Variants in MCM9 observed in about 807,000 individuals in gnomAD.
MCM9 encodes minichromosome maintenance 9 homologous recombination repair factor.
Under a neutral mutation model 72.8 loss-of-function variants are expected in MCM9, and 55 were observed. That is an observed-to-expected ratio of 0.76 (90% CI 0.61 to 0.95). The LOEUF (loss-of-function observed/expected upper bound fraction) is 0.95, where lower values mean the gene tolerates loss of function less well. Among genes scored for constraint, MCM9 ranks in the 40% least tolerant of loss-of-function variants. The pLI is 0.00. For synonymous variants in MCM9, 480 were observed against 503.4 expected (o/e 0.95, Z 0.62); for missense variants, 1,279 against 1,377.0 (o/e 0.93, Z 1.13).
At chr6:118,832,994 GA>G (rs1272443919) in intron 9 of MCM9, among the ~76,000 whole-genome samples, 1 of 152,202 alleles carries the variant, frequency 6.6e-6, no homozygotes, top group Non-Finnish European at 1.5e-5. Flanking sequence ...AGTAAAGATA[GA>G]AGAACATAAA....
Position 118,825,878 on chromosome 6 carries a change from C to T in MCM9, c.1961+269G>A, listed in dbSNP as rs926646597. Among the ~76,000 whole-genome samples, 8 of 152,208 alleles carry T rather than the reference C, an allele frequency of 5.3e-5. No homozygotes were observed. In the East Asian group the frequency reaches 7.7e-4, roughly 15 times the overall value. ...TGGAGCAAAGACAAGCTATCCCCAC[C>T]GAGCCTGCCTGAATGTCTGATACCC... On this transcript the variant is annotated intron_variant, in intron 13 of 13. Transcript: ENST00000619706.
rs772558186 is a variant in MCM9 at position 118,853,446 on chromosome 6, A to AT, written c.1325+2924dup. Among the ~76,000 whole-genome samples the AT allele has an allele frequency of 5.0e-3, 742 of 147,170 alleles. 2 individuals are homozygous for AT. Among genetic ancestry groups the AT allele is most frequent in the East Asian group, 0.017 (84 of 5,078 alleles). ...GATTTCTACAAAAAAGCTTGTTGGG[A>AT]TTTTTTTTTTTGTTAATTTCAATAG... On this transcript the variant is annotated intron_variant, in intron 9 of 13. Coordinates refer to ENST00000619706, the MANE Select transcript of MCM9 (RefSeq NM_017696.3).
intron 9 of MCM9, among the ~76,000 whole-genome samples, chr6:118,833,224 T>C (rs1157925799): frequency 6.6e-6 from 1 of 152,106 alleles, no homozygotes; most frequent in Non-Finnish European, 1.5e-5. Flanking sequence ...TGCAGGCACG[T>C]GGTGAGCACA....
At chr6:118,867,667 T>C (rs555501684) in intron 8 of MCM9, among the ~76,000 whole-genome samples, 11 of 152,264 alleles carry the variant, frequency 7.2e-5, no homozygotes, top group Non-Finnish European at 1.6e-4. Flanking sequence ...CAAAAGAGTA[T>C]ACCATGTAGA....
At position 118,913,354 on chromosome 6, in the gene MCM9, A is replaced by G; in HGVS notation, c.971T>C (p.Val324Ala). ...AATCCCACCAGCCAGCACCATGGCC[A>G]CAGCAAGCTTTACTAGATACATTCC... Reference protein sequence around the residue: ...VFGMYLVKLAVAMVLAGGIQR... With the variant: ...VFGMYLVKLAAAMVLAGGIQR... Residue 324 changes from valine to alanine, a missense_variant, in exon 7 of 14, where the codon GTG (valine) becomes GCG (alanine). Physicochemically the swap from Val to Ala is moderately conservative, Grantham distance 64. Coordinates refer to ENST00000619706, the MANE Select transcript of MCM9 (RefSeq NM_017696.3). 6.2e-7 allele frequency: 1 copy of G among 1,614,182 alleles called. No individual in the cohort carries two copies. The highest frequency in any genetic ancestry group is 8.5e-7 in the Non-Finnish European group (1 of 1,180,022).
chr6:118,871,938 C>T (rs144871378), intron 8 of MCM9, among the ~76,000 whole-genome samples: 2,120 of 152,206 alleles, frequency 0.014, 40 homozygotes, highest in African/African-American at 0.049. Context: ...CAAAAGACCA[C>T]ATTCTGGACT....
At chr6:118,881,803 C>A (rs986907536) in intron 8 of MCM9, among the ~76,000 whole-genome samples, 1 of 152,170 alleles carries the variant, frequency 6.6e-6, no homozygotes, top group African/African-American at 2.4e-5. Flanking sequence ...AACATTTATT[C>A]ATTGAAATCT....
intron 9 of MCM9, among the ~76,000 whole-genome samples, chr6:118,834,897 C>T (rs1004674208): frequency 1.3e-5 from 2 of 152,124 alleles, no homozygotes; most frequent in African/African-American, 4.8e-5. Flanking sequence ...GTTGCCATTG[C>T]TTTTGGTGTT....
intron 9 of MCM9, among the ~76,000 whole-genome samples, chr6:118,832,270 C>T (rs983892651): frequency 9.2e-5 from 14 of 152,068 alleles, no homozygotes; most frequent in Non-Finnish European, 2.1e-4. Context: ...TGCTATGTTG[C>T]CCAGGCTGGT....
At chr6:118,836,406 T>G (rs557920207) in intron 9 of MCM9, among the ~76,000 whole-genome samples, 1 of 152,242 alleles carries the variant, frequency 6.6e-6, no homozygotes, top group Non-Finnish European at 1.5e-5. Context: ...TTTGTAATAG[T>G]TTCAGAAGGA....
At chr6:118,899,832 G>A (rs1374698502) in intron 8 of MCM9, among the ~76,000 whole-genome samples, 1 of 152,226 alleles carries the variant, frequency 6.6e-6, no homozygotes, top group Non-Finnish European at 1.5e-5. Context: ...GAGTGCTTGT[G>A]TAACAGTGTG....
chr6:118,833,566 C>T (rs754798539), intron 9 of MCM9, among the ~76,000 whole-genome samples: 2 of 152,048 alleles, frequency 1.3e-5, no homozygotes, highest in African/African-American at 4.8e-5. Context: ...AAGGAAAACG[C>T]GGTCTATACA....
Position 118,924,121 on chromosome 6 carries a change from G to A in MCM9, c.311C>T (p.Pro104Leu). The change falls in exon 4 of 14, where the codon CCT becomes CTT. Residue 104 changes from proline to leucine, a missense_variant. By Grantham distance (98) the Pro-to-Leu change is moderately conservative (BLOSUM62 -3). Transcript: ENST00000619706. ...QNLHARISGL[P>L]VCPELVREHI... Reference sequence around the variant, plus strand: ...TTCCCTCACCAGCTCAGGACAGACAGGCAAACCTGATGGAGAAAACAAAAA... The same window carrying A: ...TTCCCTCACCAGCTCAGGACAGACAAGCAAACCTGATGGAGAAAACAAAAA... 1 of 1,610,212 alleles carries A rather than the reference G, an allele frequency of 6.2e-7. No individual in the cohort carries two copies. Among genetic ancestry groups the A allele is most frequent in the Non-Finnish European group, 8.5e-7 (1 of 1,177,220 alleles).
chr6:118,880,570 C>T (rs1364295434), intron 8 of MCM9, among the ~76,000 whole-genome samples: 3 of 152,158 alleles, frequency 2.0e-5, no homozygotes, highest in African/African-American at 7.2e-5. Flanking sequence ...TTTCTTCCCA[C>T]TTTTGTTAAT....
rs1174482921 is a variant in MCM9 at position 118,917,675 on chromosome 6, T to C, written c.790A>G (p.Lys264Glu). 6.2e-7 allele frequency: 1 copy of C among 1,614,162 alleles called. No individual in the cohort carries two copies. The highest frequency in any genetic ancestry group is 1.3e-5 in the African/African-American group (1 of 75,058). The change falls in exon 6 of 14, where the codon AAA (lysine) becomes GAA (glutamate). Residue 264 changes from lysine (K) to glutamate (E), a missense_variant. Physicochemically the swap from Lys to Glu is moderately conservative, Grantham distance 56. Coordinates refer to ENST00000619706, the MANE Select transcript of MCM9 (RefSeq NM_017696.3). ...TTATTTACTTGGATGTAATTTGCTT[T>C]CAGGACTATCTCCACTTCACAGCGC... ...DVRCEVEIVL[K>E]ANYIQVNNEQ...
Position 118,931,428 on chromosome 6 carries a change from C to T in MCM9, c.296G>A (p.Arg99Lys), listed in dbSNP as rs372076068. ...ATCCTTAAGTGATTTACCTGATATC[C>T]TGGCATGAAGATTCTGTTTCATGGA... Reference protein sequence around the residue: ...AVSMKQNLHARISGLPVCPEL... With the variant: ...AVSMKQNLHAKISGLPVCPEL... The change falls in exon 3 of 14, where the codon AGG becomes AAG. Residue 99 changes from arginine to lysine, a missense_variant. By Grantham distance (26) the Arg-to-Lys change is conservative. Transcript: ENST00000619706. The T allele has an allele frequency of 9.3e-6, 15 of 1,607,262 alleles. No individual in the cohort carries two copies. The African/African-American group carries it at 1.6e-4, about 17-fold the overall frequency.
chr6:118,934,183 C>T (rs951352752), intron 1 of MCM9, among the ~76,000 whole-genome samples: 2 of 152,168 alleles, frequency 1.3e-5, no homozygotes, highest in Non-Finnish European at 2.9e-5. Flanking sequence ...TATGGACCAT[C>T]GTTATTCATT....
intron 8 of MCM9, among the ~76,000 whole-genome samples, chr6:118,879,656 T>C (rs1778157497): frequency 6.6e-6 from 1 of 152,096 alleles, no homozygotes; most frequent in South Asian, 2.1e-4. Context: ...TAAAAAATAC[T>C]AGTATGTGGC....
At chr6:118,827,087 A>G (rs984461320) in intron 11 of MCM9, among the ~76,000 whole-genome samples, 2 of 152,226 alleles carry the variant, frequency 1.3e-5, no homozygotes, top group African/African-American at 2.4e-5. Flanking sequence ...TATTTATATG[A>G]AAAAGTACTC....
Sources: allele counts gnomAD v4.1 joint callset (sites outside exome capture counted in the v4.1 genomes callset), GRCh38; gene constraint gnomAD v4.1.1; transcripts MANE v1.5; gene names NCBI Gene and HGNC (gene_info 2026-07-23, HGNC 2026-07-21).